LMO1: variants seen among roughly 807,000 people sequenced by gnomAD.
LMO1 encodes the protein rhombotin-1.
A neutral mutation model predicts 18.0 loss-of-function variants in LMO1; 10 were observed. The observed-to-expected ratio is 0.55, with a 90% CI of 0.34 to 0.94. The LOEUF (loss-of-function observed/expected upper bound fraction) is 0.94, where lower values mean the gene tolerates loss of function less well. Ranked by LOEUF, LMO1 falls within the 40% of genes least tolerant of loss-of-function variation. The pLI is 0.02. For synonymous variants in LMO1, 77 were observed against 77.9 expected, an observed-to-expected ratio of 0.99 and a Z score of 0.06; for missense variants, 183 against 205.7, an observed-to-expected ratio of 0.89 and a Z score of 0.68.
intron 1 of LMO1, among the ~76,000 whole-genome samples, chr11:8,262,138 GC>G (rs765890909): frequency 1.9e-4 from 29 of 152,330 alleles, no homozygotes; most frequent in African/African-American, 6.7e-4. Flanking sequence ...TAACAACGCT[GC>G]CCCAGGGACA....
chr11:8,249,677 G>C (rs868166915), intron 1 of LMO1, among the ~76,000 whole-genome samples: 1 of 152,126 alleles, frequency 6.6e-6, no homozygotes, highest in African/African-American at 2.4e-5. Context: ...ACAATGTAGC[G>C]CTGCCAACCC....
At chr11:8,233,240 C>T (rs1010348349) in intron 1 of LMO1, among the ~76,000 whole-genome samples, 8 of 152,080 alleles carry the variant, frequency 5.3e-5, no homozygotes, top group Admixed American at 2.6e-4. Context: ...GAGAAGGCCC[C>T]AGAGCATCTA....
chr11:8,263,695 A>G lies in LMO1; in HGVS notation c.-333T>C, dbSNP rs1266895114. 11 of 1,243,018 alleles carry G rather than the reference A, an allele frequency of 8.8e-6. No homozygotes were observed. Among genetic ancestry groups the G allele is most frequent in the Non-Finnish European group, 1.1e-5 (11 of 992,166 alleles). 77.0% of individuals were successfully genotyped at this position (1,243,018 alleles called of 1,614,324 possible). A position where few individuals can be genotyped will look rare whatever the true frequency, so the allele number is the denominator to read the frequency against. ...ACCTTCTAAATGGCTCAATTTGCCC[A>G]GTATAATCTGTCTTAATGTAATTGC... is the stretch of plus-strand genomic sequence containing the variant. On this transcript the variant is annotated 5_prime_UTR_variant, in exon 1 of 4. Transcript: ENST00000335790.
At chr11:8,239,172 A>C (rs951017543) in intron 1 of LMO1, among the ~76,000 whole-genome samples, 20 of 152,336 alleles carry the variant, frequency 1.3e-4, no homozygotes, top group Non-Finnish European at 2.8e-4. Flanking sequence ...CCCATCCAGC[A>C]CACGCCCAGG....
In LMO1 at chr11:8,230,373, A is replaced by T; in HGVS notation, c.157T>A (p.Cys53Ser). The T allele has an allele frequency of 1.2e-6, 2 of 1,614,160 alleles. No homozygotes were observed. The highest frequency in any genetic ancestry group is 1.7e-6 in the Non-Finnish European group (2 of 1,180,000). The change falls in exon 2 of 4, where the codon TGC (cysteine) becomes AGC (serine). Residue 53 changes from cysteine (C) to serine (S), a missense_variant. Physicochemically the swap from Cys to Ser is moderately radical, Grantham distance 112. Coordinates refer to ENST00000335790, the MANE Select transcript of LMO1 (RefSeq NM_002315.3). ...YWHEDCLKCA[C>S]CDCRLGEVGS... ...ACCTCGCCCAGGCGGCAGTCACAGC[A>T]GGCACACTTGAGGCAGTCTTCGTGC...
chr11:8,260,029 C>T (rs1286453518), intron 1 of LMO1, among the ~76,000 whole-genome samples: 1 of 152,158 alleles, frequency 6.6e-6, no homozygotes, highest in East Asian at 1.9e-4. Context: ...CGTTTATACC[C>T]AGCCCTGCCC....
intron 1 of LMO1, among the ~76,000 whole-genome samples, chr11:8,241,046 G>C (rs977906435): frequency 1.3e-5 from 2 of 152,158 alleles, no homozygotes; most frequent in Middle Eastern, 3.4e-3. Flanking sequence ...ATGGGTATTG[G>C]CATTTTCTTT....
At chr11:8,268,018 G>A (rs1847278198), upstream of LMO1, among the ~76,000 whole-genome samples, 1 of 152,258 alleles carries the variant, frequency 6.6e-6, no homozygotes, top group Non-Finnish European at 1.5e-5. Flanking sequence ...GGGTGCGGAA[G>A]GGGAACGTGC....
chr11:8,233,731 C>G lies in LMO1; in HGVS notation c.26-3227G>C, dbSNP rs368469772. Reference sequence around the variant, plus strand: ...CCCCACCCAATCTGCCAGCCTGCCCCCCTGCAGACACCTCTTCCCTCCCTC... The same window carrying G: ...CCCCACCCAATCTGCCAGCCTGCCCGCCTGCAGACACCTCTTCCCTCCCTC... On this transcript the variant is annotated intron_variant, in intron 1 of 3. Transcript: ENST00000335790. Among the ~76,000 whole-genome samples the G allele has an allele frequency of 4.0e-4, 60 of 151,410 alleles. No homozygotes were observed. In the East Asian group the frequency reaches 8.0e-3, roughly 20 times the overall value.
At chr11:8,268,455 G>C (rs1847283625), upstream of LMO1, 1 of 1,455,404 alleles carries the variant, frequency 6.9e-7, no homozygotes, top group Non-Finnish European at 9.0e-7. Flanking sequence ...CCATGGTCCC[G>C]ACGGCTCCAG....
At chr11:8,259,868 C>T (rs204934) in intron 1 of LMO1, among the ~76,000 whole-genome samples, 9,489 of 152,242 alleles carry the variant, frequency 0.062, 528 homozygotes, top group East Asian at 0.31. Flanking sequence ...TTGAAGACTC[C>T]GCTGTCTGGT....
At chr11:8,236,562 C>T (rs1285998841) in intron 1 of LMO1, among the ~76,000 whole-genome samples, 1 of 151,914 alleles carries the variant, frequency 6.6e-6, no homozygotes. Flanking sequence ...TGCTGCAGGG[C>T]TGCATGCTGA....
chr11:8,225,040 G>A (rs73415205), intron 3 of LMO1, among the ~76,000 whole-genome samples: 2,794 of 152,068 alleles, frequency 0.018, 87 homozygotes, highest in African/African-American at 0.065. Flanking sequence ...AGAGGTGCAG[G>A]AACAGCCTAC....
intron 1 of LMO1, among the ~76,000 whole-genome samples, chr11:8,239,289 A>G (rs573945099): frequency 1.3e-5 from 2 of 152,194 alleles, no homozygotes; most frequent in Admixed American, 6.5e-5. Flanking sequence ...AACCAAGAGG[A>G]ATGACTGTCC....
upstream of LMO1, among the ~76,000 whole-genome samples, chr11:8,265,727 C>A (rs1178212493): frequency 6.6e-6 from 1 of 152,182 alleles, no homozygotes; most frequent in Non-Finnish European, 1.5e-5. Flanking sequence ...CTCACACCCA[C>A]CAGAGCTGGG....
intron 1 of LMO1, among the ~76,000 whole-genome samples, chr11:8,244,902 T>C (rs1846868998): frequency 6.6e-6 from 1 of 152,168 alleles, no homozygotes; most frequent in Non-Finnish European, 1.5e-5. Flanking sequence ...GTCTCCTCCT[T>C]AAAGCCTGCT....
intron 1 of LMO1, among the ~76,000 whole-genome samples, chr11:8,261,318 G>A (rs1169969802): frequency 6.6e-6 from 1 of 152,192 alleles, no homozygotes; most frequent in Non-Finnish European, 1.5e-5. Context: ...CATCTGCCCA[G>A]GGTGCTTGAG....
chr11:8,247,554 T>G (rs1471915847), intron 1 of LMO1, among the ~76,000 whole-genome samples: 1 of 152,164 alleles, frequency 6.6e-6, no homozygotes, highest in Admixed American at 6.5e-5. Context: ...TGAGCAGGGA[T>G]AGACTGAGAG....
At chr11:8,254,077 G>A (rs141607657) in intron 1 of LMO1, among the ~76,000 whole-genome samples, 3,002 of 152,112 alleles carry the variant, frequency 0.02, 48 homozygotes, top group Non-Finnish European at 0.024. Context: ...AGAACATAGC[G>A]GCGTATGAGA....
Sources: gnomAD v4.1 joint callset for allele counts (sites outside exome capture counted in the v4.1 genomes callset) on GRCh38, gnomAD v4.1.1 for gene constraint, MANE v1.5 for transcripts, NCBI Gene and HGNC (gene_info 2026-07-23, HGNC 2026-07-21) for gene names.